DHRS3: variants seen among roughly 807,000 people sequenced by gnomAD.
DHRS3 encodes the protein short-chain dehydrogenase/reductase 3.
In DHRS3, 14 loss-of-function variants were observed where a neutral mutation model predicts 27.2. The ratio of observed to expected loss-of-function variants is 0.52; its 90% CI spans 0.34 to 0.81. The LOEUF (loss-of-function observed/expected upper bound fraction) is 0.81, where lower values mean the gene tolerates loss of function less well. Among genes scored for constraint, DHRS3 ranks in the 30% least tolerant of loss-of-function variants. The pLI is 0.01. For missense variants in DHRS3, 322 were observed against 406.2 expected, an observed-to-expected ratio of 0.79 and a Z score of 1.78; for synonymous variants, 165 against 175.9, an observed-to-expected ratio of 0.94 and a Z score of 0.49.
At chr1:12,573,762 T>C (rs562024856) in intron 4 of DHRS3, among the ~76,000 whole-genome samples, 1 of 152,340 alleles carries the variant, frequency 6.6e-6, no homozygotes, top group African/African-American at 2.4e-5. Context: ...CATGACTATT[T>C]AAAAGCATCT....
At chr1:12,575,027 C>T (rs868541133) in intron 4 of DHRS3, among the ~76,000 whole-genome samples, 7 of 152,114 alleles carry the variant, frequency 4.6e-5, no homozygotes, top group African/African-American at 1.7e-4. Flanking sequence ...ATGGCTGGAA[C>T]ATCGAAGAGG....
intron 1 of DHRS3, among the ~76,000 whole-genome samples, chr1:12,598,117 A>G (rs998234342): frequency 8.5e-5 from 13 of 152,258 alleles, no homozygotes; most frequent in African/African-American, 3.1e-4. Flanking sequence ...CCGCACATCC[A>G]GTCTCTACAT....
chr1:12,596,447 G>T (rs557004605), intron 1 of DHRS3: 187 of 152,388 alleles, frequency 1.2e-3, no homozygotes, highest in Non-Finnish European at 2.3e-3. Context: ...CCTGGTTGGG[G>T]GGTTGCAGGG....
rs1295085402 is a variant in DHRS3 at position 12,592,866 on chromosome 1, TTAAG to T, written c.196-12204_196-12201del. On this transcript the variant is annotated intron_variant, in intron 1 of 5. Transcript: ENST00000616661. This position sits in a 1 kb window ranked among gnomAD's most constrained non-coding sequence, Gnocchi z 4.2. The stretch of plus-strand genomic sequence containing the variant: ...TCCGAAGGCTCTTCACTGTCCCACA[TTAAG>T]TGTTTTCTCTCACTGTATGCCCACT... Among the ~76,000 whole-genome samples the T allele has an allele frequency of 1.3e-5, 2 of 152,196 alleles. No homozygotes were observed. Among genetic ancestry groups the T allele is most frequent in the African/African-American group, 4.8e-5 (2 of 41,442 alleles).
chr1:12,579,041 G>T, intron 3 of DHRS3, 85 bp from the exon 4 acceptor site: 1 of 1,332,520 alleles, frequency 7.5e-7, no homozygotes, highest in South Asian at 1.3e-5. Context: ...AGCCCACCCC[G>T]GACACACATG....
At chr1:12,571,664 G>A (rs1646538502) in intron 5 of DHRS3, among the ~76,000 whole-genome samples, 1 of 151,450 alleles carries the variant, frequency 6.6e-6, no homozygotes, top group Admixed American at 6.6e-5. Flanking sequence ...CCAGGTAGCT[G>A]GGATTACAGG....
chr1:12,610,697 T>A (rs1646903364), intron 1 of DHRS3, among the ~76,000 whole-genome samples: 2 of 152,236 alleles, frequency 1.3e-5, no homozygotes, highest in Non-Finnish European at 2.9e-5. Flanking sequence ...TTGGGCATGC[T>A]AGTGTCTAAA....
intron 5 of DHRS3, among the ~76,000 whole-genome samples, chr1:12,571,824 G>A (rs555909693): frequency 3.3e-5 from 5 of 152,166 alleles, no homozygotes; most frequent in South Asian, 2.1e-4. Flanking sequence ...GTGAGCCACC[G>A]TGCCCGGCCA....
chr1:12,583,590 TATCCATCCATCC>T (rs111034356), intron 1 of DHRS3, among the ~76,000 whole-genome samples: 50 of 94,970 alleles, frequency 5.3e-4, no homozygotes, highest in East Asian at 1.9e-3. Flanking sequence ...CTCACCTACT[TATCCATCCATCC>T]ATCCATCCAT....
At chr1:12,617,024 C>T (rs902828142) in intron 1 of DHRS3, 130 bp downstream of exon 1, 1 of 1,154,608 alleles carries the variant, frequency 8.7e-7, no homozygotes, top group African/African-American at 1.6e-5. Flanking sequence ...GCTCAGCACT[C>T]GTGGGTGGCG....
chr1:12,588,548 C>A (rs545588885), intron 1 of DHRS3, among the ~76,000 whole-genome samples: 1 of 152,310 alleles, frequency 6.6e-6, no homozygotes, highest in South Asian at 2.1e-4. Context: ...AACACCCCTG[C>A]CTCTCCCATG....
intron 1 of DHRS3, among the ~76,000 whole-genome samples, chr1:12,599,228 C>T (rs1646819628): frequency 6.6e-6 from 1 of 152,238 alleles, no homozygotes; most frequent in Non-Finnish European, 1.5e-5. Context: ...TGGCTCTGGG[C>T]CCAGAGGGCC....
intron 1 of DHRS3, among the ~76,000 whole-genome samples, chr1:12,603,307 C>G (rs1002914731): frequency 6.6e-6 from 1 of 152,232 alleles, no homozygotes; most frequent in Non-Finnish European, 1.5e-5. Flanking sequence ...AAGAAGGGTC[C>G]ATCGAGGAGA....
chr1:12,571,764 C>A (rs1646539513), intron 5 of DHRS3, among the ~76,000 whole-genome samples: 1 of 152,100 alleles, frequency 6.6e-6, no homozygotes, highest in South Asian at 2.1e-4. Flanking sequence ...GAACTCCCAA[C>A]CTCAGGTGAT....
At position 12,594,582 on chromosome 1, in the gene DHRS3, T is replaced by A. The variant is rs2100695892; in HGVS notation, c.196-13916A>T. 6.6e-6 allele frequency among the ~76,000 whole-genome samples: 1 copy of A among 152,180 alleles called. No individual in the cohort carries two copies. Among genetic ancestry groups the A allele is most frequent in the Admixed American group, 6.5e-5 (1 of 15,298 alleles). ...GAAAGGTGCAGGGAAGTCCTCTTGGTTAAAGTAACATTTTGGAAGAGACCT... is the reference window on the plus strand; with the variant it reads ...GAAAGGTGCAGGGAAGTCCTCTTGGATAAAGTAACATTTTGGAAGAGACCT... On this transcript the variant is annotated intron_variant, in intron 1 of 5. Coordinates refer to ENST00000616661, the MANE Select transcript of DHRS3 (RefSeq NM_004753.7). The surrounding 1 kb of genome is among the most constrained non-coding windows in gnomAD (Gnocchi z 4.1).
chr1:12,577,326 G>A lies in DHRS3; in HGVS notation c.698+1392C>T, dbSNP rs143004500. Among the ~76,000 whole-genome samples the A allele has an allele frequency of 1.1e-4, 17 of 152,250 alleles. No homozygotes were observed. In the East Asian group the frequency reaches 2.9e-3, roughly 26 times the overall value. On this transcript the variant is annotated intron_variant, in intron 4 of 5. Coordinates refer to ENST00000616661, the MANE Select transcript of DHRS3 (RefSeq NM_004753.7). ...TGCCAGATTCCACTTTGTCCTCACT[G>A]CAGAACCTATGATGGAGACATTCGC...
At position 12,586,482 on chromosome 1, in the gene DHRS3, C is replaced by T. The variant is rs549521850; in HGVS notation, c.196-5816G>A. On this transcript the variant is annotated intron_variant, in intron 1 of 5. Coordinates refer to ENST00000616661, the MANE Select transcript of DHRS3 (RefSeq NM_004753.7). This position sits in a 1 kb window ranked among gnomAD's most constrained non-coding sequence, Gnocchi z 5.0. ...CCCCGTCCATCCAGCACCACACGGACAGCCGGCTATGGGCTGGGGTGGTGA... is the reference window on the plus strand; with the variant it reads ...CCCCGTCCATCCAGCACCACACGGATAGCCGGCTATGGGCTGGGGTGGTGA... Among the ~76,000 whole-genome samples, 1 of 151,204 alleles carries T rather than the reference C, an allele frequency of 6.6e-6. No individual in the cohort carries two copies. The highest frequency in any genetic ancestry group is 1.5e-5 in the Non-Finnish European group (1 of 67,686).
intron 1 of DHRS3, among the ~76,000 whole-genome samples, chr1:12,589,865 A>ATTG (rs1306578690): frequency 1.3e-5 from 2 of 152,026 alleles, no homozygotes; most frequent in South Asian, 4.2e-4. Flanking sequence ...TATTATTATT[A>ATTG]TTAGCACAGC....
At chr1:12,577,543 G>A (rs749093554) in intron 4 of DHRS3, among the ~76,000 whole-genome samples, 1 of 152,132 alleles carries the variant, frequency 6.6e-6, no homozygotes, top group Non-Finnish European at 1.5e-5. Flanking sequence ...ATTGAGCTAC[G>A]GCCAGGCGTG....
Sources: gnomAD v4.1 joint callset for allele counts (sites outside exome capture counted in the v4.1 genomes callset) on GRCh38, gnomAD v4.1.1 for gene constraint, Gnocchi (gnomAD v3.1) non-coding constraint, MANE v1.5 for transcripts, NCBI Gene and HGNC (gene_info 2026-07-23, HGNC 2026-07-21) for gene names.